RUVBL1: variants seen among roughly 807,000 people sequenced by gnomAD.
The protein encoded by RUVBL1 is ruvB-like 1.
In RUVBL1, 4 loss-of-function variants were observed where a neutral mutation model predicts 52.4. That is an observed-to-expected ratio of 0.08 (90% confidence interval 0.04 to 0.17). The LOEUF (loss-of-function observed/expected upper bound fraction) is 0.17, where lower values mean the gene tolerates loss of function less well. Among genes scored for constraint, RUVBL1 ranks in the 10% least tolerant of loss-of-function variants. The pLI is 1.00. For missense variants in RUVBL1, 298 were observed against 572.8 expected (o/e 0.52, Z 4.90); for synonymous variants, 217 against 214.4 (o/e 1.01, Z -0.10).
intron 1 of RUVBL1, among the ~76,000 whole-genome samples, chr3:128,121,636 G>GTT (rs1943650941): frequency 1.3e-5 from 2 of 149,448 alleles, no homozygotes; most frequent in Non-Finnish European, 3.0e-5. Context: ...CTTGAACCCA[G>GTT]GAGGCAGAGG....
At chr3:128,121,838 C>T (rs1028410103) in intron 1 of RUVBL1, among the ~76,000 whole-genome samples, 4 of 151,996 alleles carry the variant, frequency 2.6e-5, no homozygotes, top group African/African-American at 4.8e-5. Flanking sequence ...TGGAGATGTG[C>T]GTTTATTTAC....
At chr3:128,123,436 G>A (rs1404563575) in intron 1 of RUVBL1, 148 bp downstream of exon 1, 4 of 1,034,902 alleles carry the variant, frequency 3.9e-6, no homozygotes, top group South Asian at 3.9e-5. Flanking sequence ...GCCCCTCCCC[G>A]AGCCCCTGGC....
chr3:128,136,228 A>T (rs973245630), intron 1 of RUVBL1, among the ~76,000 whole-genome samples: 1 of 149,752 alleles, frequency 6.7e-6, no homozygotes, highest in African/African-American at 2.4e-5. Flanking sequence ...AAATAATCAG[A>T]AAAAAAAAAC....
chr3:128,137,014 G>T (rs934020475), intron 1 of RUVBL1, among the ~76,000 whole-genome samples: 5 of 152,028 alleles, frequency 3.3e-5, no homozygotes, highest in Non-Finnish European at 7.4e-5. Context: ...TCTTCCAACG[G>T]CTGCAGAATA....
At chr3:128,137,885 A>C (rs116754232) in intron 1 of RUVBL1, among the ~76,000 whole-genome samples, 3,495 of 152,336 alleles carry the variant, frequency 0.023, 83 homozygotes, top group East Asian at 0.047. Context: ...AGGATGTTTC[A>C]ACATATGCAA....
intron 3 of RUVBL1, among the ~76,000 whole-genome samples, chr3:128,110,113 G>A (rs564914871): frequency 1.9e-4 from 29 of 152,114 alleles, no homozygotes; most frequent in African/African-American, 5.8e-4. Context: ...CACCGCACTC[G>A]GCCTACATAC....
At chr3:128,098,775 C>T (rs1294786693) in intron 7 of RUVBL1, 107 bp downstream of exon 7, 17 of 935,556 alleles carry the variant, frequency 1.8e-5, no homozygotes, top group Non-Finnish European at 2.8e-5. Context: ...AAGAACTGTT[C>T]TGAGGCATTT....
chr3:128,069,487 C>A, intron 9 of RUVBL1: 1 of 1,611,558 alleles, frequency 6.2e-7, no homozygotes, highest in Non-Finnish European at 8.5e-7. Context: ...TACATCCCCA[C>A]AGCCGCGGCC....
chr3:128,081,500 G>T lies in RUVBL1; in HGVS notation c.1212-91C>A. ...CATCAGTAGGCAGCACTGGCACCAG[G>T]AGCAGAGCCCAGTGCTGGGCTTGTG... On this transcript the variant is annotated intron_variant, in intron 10 of 10. Transcript: ENST00000322623. The surrounding 1 kb of genome is among the most constrained non-coding windows in gnomAD (Gnocchi z 4.8). The T allele has an allele frequency of 7.4e-7, 1 of 1,359,582 alleles. No individual in the cohort carries two copies. The highest frequency in any genetic ancestry group is 1.0e-6 in the Non-Finnish European group (1 of 990,946). The allele number at this position is 1,359,582 out of a possible 1,614,324, so 84.2% of individuals were successfully genotyped here. A position where few individuals can be genotyped will look rare whatever the true frequency, so the allele number is the denominator to read the frequency against.
intron 7 of RUVBL1, among the ~76,000 whole-genome samples, 162 bp downstream of exon 7, chr3:128,098,720 C>T (rs903757428): frequency 3.9e-5 from 6 of 152,118 alleles, no homozygotes; most frequent in African/African-American, 1.4e-4. Context: ...GCCTAAATGC[C>T]GCCAGAAACT....
chr3:128,142,041 G>C (rs550692590), intron 1 of RUVBL1: 1 of 152,300 alleles, frequency 6.6e-6, no homozygotes, highest in Non-Finnish European at 1.5e-5. Context: ...TTGGAGCCTA[G>C]AGACGGGAAA....
At chr3:128,147,433 C>T (rs1237929273) in intron 1 of RUVBL1, among the ~76,000 whole-genome samples, 1 of 152,024 alleles carries the variant, frequency 6.6e-6, no homozygotes, top group African/African-American at 2.4e-5. Context: ...TCCATCTTTA[C>T]AAAAAATTTT....
At chr3:128,147,910 G>A (rs1006802315) in intron 1 of RUVBL1, among the ~76,000 whole-genome samples, 1 of 152,204 alleles carries the variant, frequency 6.6e-6, no homozygotes, top group African/African-American at 2.4e-5. Flanking sequence ...ACTACACAGT[G>A]ATAAAAAGGA....
intron 1 of RUVBL1, among the ~76,000 whole-genome samples, chr3:128,152,705 C>T: frequency 6.6e-6 from 1 of 152,118 alleles, no homozygotes; most frequent in Non-Finnish European, 1.5e-5. Context: ...TCGCTGACTT[C>T]AAGAATGGAG....
chr3:128,101,737 G>A, intron 4 of RUVBL1, 89 bp from the exon 5 acceptor site: 1 of 1,337,466 alleles, frequency 7.5e-7, no homozygotes, highest in Non-Finnish European at 1.1e-6. Flanking sequence ...GGGATCTGAG[G>A]TAGCTAGCAG....
At chr3:128,079,430 G>A (rs1183483914), downstream of RUVBL1, among the ~76,000 whole-genome samples, 1 of 152,214 alleles carries the variant, frequency 6.6e-6, no homozygotes, top group Non-Finnish European at 1.5e-5. Flanking sequence ...TTGGAAGTGG[G>A]CTAGCACACC....
At chr3:128,069,584 C>T (rs1295074896) in intron 9 of RUVBL1, 2 of 1,614,002 alleles carry the variant, frequency 1.2e-6, no homozygotes, top group African/African-American at 1.3e-5. Context: ...TGCTCGCAGT[C>T]ACAATCATCT....
chr3:128,096,712 A>G (rs993655586), intron 8 of RUVBL1, among the ~76,000 whole-genome samples: 4 of 152,098 alleles, frequency 2.6e-5, no homozygotes, highest in Admixed American at 2.0e-4. Context: ...CTGTAGTCCC[A>G]GCTACTCGGG....
intron 9 of RUVBL1, chr3:128,069,329 C>T (rs1013601845): frequency 1.6e-5 from 12 of 755,224 alleles, no homozygotes; most frequent in African/African-American, 7.0e-5. Context: ...TGGCCTAGAG[C>T]GCTAGCATGT....
Sources: allele counts gnomAD v4.1 joint callset (sites outside exome capture counted in the v4.1 genomes callset), GRCh38; gene constraint gnomAD v4.1.1; non-coding constraint Gnocchi (gnomAD v3.1); transcripts MANE v1.5; gene names NCBI Gene and HGNC (gene_info 2026-07-23, HGNC 2026-07-21).